Variants in ABCD3 observed in about 807,000 individuals in gnomAD.
ABCD3 encodes ATP-binding cassette sub-family D member 3.
A neutral mutation model predicts 105.5 loss-of-function variants in ABCD3; 41 were observed. That is an observed-to-expected ratio of 0.39 (90% confidence interval 0.30 to 0.50). The LOEUF (loss-of-function observed/expected upper bound fraction) is 0.50, where lower values mean the gene tolerates loss of function less well. Ranked by LOEUF, ABCD3 falls within the 20% of genes least tolerant of loss-of-function variation. The pLI is 0.84. For missense variants in ABCD3, 622 were observed against 806.3 expected (o/e 0.77, Z 2.77); for synonymous variants, 258 against 269.0 (o/e 0.96, Z 0.40).
rs372971488 is a variant in ABCD3, at chr1:94,418,450, C to G, written c.-29C>G. The G allele has an allele frequency of 4.4e-3, 6,918 of 1,571,008 alleles. 32 individuals are homozygous for G. Among genetic ancestry groups the G allele is most frequent in the Non-Finnish European group, 5.4e-3 (6,265 of 1,162,276 alleles). Reference sequence around the variant, plus strand: ...GCCGCCGCCGCCGCCGCCGCGTCCCCTCGCCGGCTCGCTGGTACCGGCAGT... The same window carrying G: ...GCCGCCGCCGCCGCCGCCGCGTCCCGTCGCCGGCTCGCTGGTACCGGCAGT... On this transcript the variant is annotated 5_prime_UTR_variant, in exon 1 of 23. Transcript: ENST00000370214.
upstream of ABCD3, chr1:94,418,336 C>T (rs1343607568): frequency 9.1e-6 from 5 of 549,430 alleles, no homozygotes; most frequent in East Asian, 1.8e-4. Flanking sequence ...GGCGGCGCGG[C>T]GGCGCGAGCC....
intron 13 of ABCD3, among the ~76,000 whole-genome samples, chr1:94,489,077 A>G (rs1234063051): frequency 6.6e-6 from 1 of 152,088 alleles, no homozygotes; most frequent in Admixed American, 6.6e-5. Flanking sequence ...CTTTTTATTC[A>G]GAGAAAAATC....
At chr1:94,475,529 C>G (rs774875996) in intron 6 of ABCD3, 85 bp from the exon 7 acceptor site, 64 of 1,396,204 alleles carry the variant, frequency 4.6e-5, no homozygotes, top group South Asian at 3.5e-4. Context: ...TGTATTTGAG[C>G]TAGGTGGTGT....
chr1:94,465,980 G>A (rs374224951), intron 3 of ABCD3, among the ~76,000 whole-genome samples: 20 of 151,714 alleles, frequency 1.3e-4, no homozygotes, highest in South Asian at 4.2e-4. Flanking sequence ...CAAAGAAAAC[G>A]TACATTCCTT....
chr1:94,404,644 T>C, the ABCD3 span, among the ~76,000 whole-genome samples: 1 of 152,230 alleles, frequency 6.6e-6, no homozygotes, highest in East Asian at 1.9e-4. Flanking sequence ...CCTTCCATTC[T>C]ATTTCTGCAT....
At chr1:94,474,543 G>A (rs1557678221) in intron 5 of ABCD3, among the ~76,000 whole-genome samples, 1 of 152,098 alleles carries the variant, frequency 6.6e-6, no homozygotes, top group African/African-American at 2.4e-5. Flanking sequence ...GCTGGAAGCT[G>A]GGGCTACATA....
At position 94,468,014 on chromosome 1, in the gene ABCD3, T is replaced by C; in HGVS notation, c.335+7T>C. The stretch of plus-strand genomic sequence containing the variant: ...ATGGGACACTAATTGAAAGGTACTT[T>C]TTCAATCACCTTCCTCCTATATGTA... On this transcript the variant is annotated splice_region_variant and intron_variant, in intron 4 of 22. Coordinates refer to ENST00000370214, the MANE Select transcript of ABCD3 (RefSeq NM_002858.4). 6.3e-7 allele frequency: 1 copy of C among 1,594,386 alleles called. No individual in the cohort carries two copies. Among genetic ancestry groups the C allele is most frequent in the Non-Finnish European group, 8.6e-7 (1 of 1,162,334 alleles).
chr1:94,409,533 C>T, the ABCD3 span, among the ~76,000 whole-genome samples: 1 of 152,148 alleles, frequency 6.6e-6, no homozygotes, highest in East Asian at 1.9e-4. Flanking sequence ...ACCCAATTTA[C>T]ATTTTTCTGA....
chr1:94,481,826 C>A (rs879515583), intron 9 of ABCD3: 5 of 152,212 alleles, frequency 3.3e-5, no homozygotes, highest in Admixed American at 1.3e-4. Flanking sequence ...GTTACTTGAC[C>A]ATGCCTAAAG....
At chr1:94,437,017 G>A (rs139203984) in intron 1 of ABCD3, among the ~76,000 whole-genome samples, 13 of 152,336 alleles carry the variant, frequency 8.5e-5, no homozygotes, top group African/African-American at 3.1e-4. Context: ...TGAAGGCTGA[G>A]AGAGGTGAGG....
chr1:94,416,607 C>G (rs758569370), upstream of ABCD3, among the ~76,000 whole-genome samples: 1 of 152,198 alleles, frequency 6.6e-6, no homozygotes, highest in African/African-American at 2.4e-5. Flanking sequence ...CCTCCTGTCT[C>G]TCAGTCCCGT....
intron 1 of ABCD3, among the ~76,000 whole-genome samples, chr1:94,420,790 A>G (rs1659228763): frequency 6.6e-6 from 1 of 152,128 alleles, no homozygotes; most frequent in African/African-American, 2.4e-5. Flanking sequence ...TGGGCTTTTG[A>G]ATATCTTTGG....
rs909524126 is a variant in ABCD3, at chr1:94,508,307, T to G, written c.1845+1665T>G. Among the ~76,000 whole-genome samples, 1,256 of 152,314 alleles carry G rather than the reference T, an allele frequency of 8.2e-3. 14 individuals are homozygous for G. The highest frequency in any genetic ancestry group is 0.029 in the African/African-American group (1,204 of 41,560). On this transcript the variant is annotated intron_variant, in intron 21 of 22. Transcript: ENST00000370214. Reference sequence around the variant, plus strand: ...GTCAAAGATTAGATAGTTGTAGATATGCGGCGTTATTTCTGAGGGCTCTGT... The same window carrying G: ...GTCAAAGATTAGATAGTTGTAGATAGGCGGCGTTATTTCTGAGGGCTCTGT...
intron 1 of ABCD3, among the ~76,000 whole-genome samples, chr1:94,455,412 G>A (rs776686534): frequency 6.7e-5 from 10 of 150,270 alleles, no homozygotes; most frequent in South Asian, 2.1e-4. Context: ...CACAACCTCC[G>A]CCTCCTGGGT....
At chr1:94,490,972 A>G (rs1297861605) in intron 15 of ABCD3, among the ~76,000 whole-genome samples, 2 of 151,988 alleles carry the variant, frequency 1.3e-5, no homozygotes, top group Non-Finnish European at 2.9e-5. Flanking sequence ...GTGAGAGGTG[A>G]TGTCTCATTG....
intron 1 of ABCD3, among the ~76,000 whole-genome samples, chr1:94,424,774 C>T (rs1041418305): frequency 1.3e-5 from 2 of 152,130 alleles, no homozygotes; most frequent in Non-Finnish European, 2.9e-5. Context: ...CTCCTTAGCA[C>T]TTATCACTAT....
At chr1:94,422,586 T>C (rs1659301928) in intron 1 of ABCD3, among the ~76,000 whole-genome samples, 1 of 152,216 alleles carries the variant, frequency 6.6e-6, no homozygotes, top group Non-Finnish European at 1.5e-5. Context: ...CATCAGATCC[T>C]GAGTTTCTTG....
intron 1 of ABCD3, among the ~76,000 whole-genome samples, chr1:94,433,813 A>AT (rs34291881): frequency 2.9e-4 from 42 of 146,564 alleles, no homozygotes; most frequent in East Asian, 6.1e-4. Context: ...TGCCCTGCTA[A>AT]TTTTTTTTTT....
chr1:94,508,174 T>A (rs1650461299), intron 21 of ABCD3, among the ~76,000 whole-genome samples: 1 of 152,196 alleles, frequency 6.6e-6, no homozygotes, highest in Non-Finnish European at 1.5e-5. Context: ...TTGTATAAGA[T>A]GTAAGGAAGG....
Sources: gnomAD v4.1 joint callset for allele counts (sites outside exome capture counted in the v4.1 genomes callset) on GRCh38, gnomAD v4.1.1 for gene constraint, MANE v1.5 for transcripts, NCBI Gene and HGNC (gene_info 2026-07-23, HGNC 2026-07-21) for gene names.